Variants in NXPE1 observed in about 807,000 individuals in gnomAD.
NXPE1 encodes the protein neurexophilin and PC-esterase domain family member 1, also known as NXPE family member 1.
Under a neutral mutation model 33.3 loss-of-function variants are expected in NXPE1, and 31 were observed. The ratio of observed to expected loss-of-function variants is 0.93; its 90% confidence interval spans 0.70 to 1.26. NXPE1 has a LOEUF of 1.26. NXPE1 is among the 50% of genes most tolerant of loss of function. The pLI is 0.00. For synonymous variants in NXPE1, 229 were observed against 231.4 expected, an observed-to-expected ratio of 0.99 and a Z score of 0.09; for missense variants, 661 against 655.6, an observed-to-expected ratio of 1.01 and a Z score of -0.09.
rs1947770308 is a variant in NXPE1, at chr11:114,535,354, TA to T, written c.100-4447del. On this transcript the variant is annotated intron_variant, in intron 5 of 8. Coordinates refer to ENST00000534921, the Ensembl canonical transcript of NXPE1. ...GCCAAATTGTAAAGAATATCAAGGC[TA>T]GGAAGAAACTACATCAACTAACGAG... Among the ~76,000 whole-genome samples, 11 of 152,236 alleles carry T rather than the reference TA, an allele frequency of 7.2e-5. 1 individual carries two copies. In the South Asian group the frequency reaches 2.1e-3, roughly 29 times the overall value.
rs150754326 is a variant in NXPE1, at chr11:114,525,117, G to T, written c.896-2026C>A. Among the ~76,000 whole-genome samples, 442 of 151,916 alleles carry T rather than the reference G, an allele frequency of 2.9e-3. 11 individuals are homozygous for T. The highest frequency in any genetic ancestry group is 4.0e-4 in the Non-Finnish European group (27 of 67,978). On this transcript the variant is annotated intron_variant, in intron 7 of 8. Transcript: ENST00000534921. Reference sequence around the variant, plus strand: ...CTAGATCTGGGGGTAATGGTGTGGAGATCCACCATCTTGTCTCAACAATGG... The same window carrying T: ...CTAGATCTGGGGGTAATGGTGTGGATATCCACCATCTTGTCTCAACAATGG...
downstream of NXPE1, among the ~76,000 whole-genome samples, chr11:114,520,330 T>G (rs561767337): frequency 6.6e-6 from 1 of 152,340 alleles, no homozygotes; most frequent in East Asian, 1.9e-4. Context: ...AAGTTCCATA[T>G]ATAAGTGAGA....
At chr11:114,530,687 G>A in exon 6 of NXPE1, 4 of 1,614,178 alleles carry the variant, frequency 2.5e-6, no homozygotes, top group Non-Finnish European at 3.4e-6. Flanking sequence ...TATCTCGAGG[G>A]TTGAGGATGG....
At chr11:114,522,151 T>A in exon 9 of NXPE1, 1 of 1,614,094 alleles carries the variant, frequency 6.2e-7, no homozygotes, top group Non-Finnish European at 8.5e-7. Context: ...CAAACCTCTC[T>A]GTCTCTATGT....
intron 5 of NXPE1, among the ~76,000 whole-genome samples, chr11:114,540,944 ATC>A (rs1433099649): frequency 7.2e-6 from 1 of 138,308 alleles, no homozygotes; most frequent in Non-Finnish European, 1.5e-5. Flanking sequence ...GGAGGGGGAA[ATC>A]CCAGAACAGA....
At position 114,551,229 on chromosome 11, in the gene NXPE1, A is replaced by G. The variant is rs1383501090; in HGVS notation, c.-10-18T>C. On this transcript the variant is annotated intron_variant, in intron 4 of 8. Coordinates refer to ENST00000534921, the Ensembl canonical transcript of NXPE1. ...CGAATGTCCTAGGAGAGATGACACAAGAGAGGAGTCGTGAGAAGTGAATCT... is the reference window on the plus strand; with the variant it reads ...CGAATGTCCTAGGAGAGATGACACAGGAGAGGAGTCGTGAGAAGTGAATCT... 6.8e-7 allele frequency: 1 copy of G among 1,461,094 alleles called. No individual in the cohort carries two copies. The highest frequency in any genetic ancestry group is 1.2e-5 in the South Asian group (1 of 82,318). The allele number at this position is 1,461,094 out of a possible 1,614,324, so 90.5% of individuals were successfully genotyped here. A position where few individuals can be genotyped will look rare whatever the true frequency, so the allele number is the denominator to read the frequency against.
At chr11:114,551,303 C>A (rs75158214) in intron 4 of NXPE1, 80 bp downstream of exon 4, 1 of 1,358,790 alleles carries the variant, frequency 7.4e-7, no homozygotes, top group African/African-American at 1.5e-5. Flanking sequence ...TTGCCTCCAA[C>A]ATTTTGTTCT....
intron 7 of NXPE1, among the ~76,000 whole-genome samples, chr11:114,525,758 T>A (rs989835975): frequency 2.0e-5 from 3 of 152,214 alleles, no homozygotes; most frequent in Admixed American, 2.0e-4. Context: ...CCTGTAGGTT[T>A]TGCACCATTT....
At chr11:114,558,848 A>C (rs180806085) in intron 1 of NXPE1, among the ~76,000 whole-genome samples, 1 of 152,192 alleles carries the variant, frequency 6.6e-6, no homozygotes, top group African/African-American at 2.4e-5. Flanking sequence ...AGGACTTCTC[A>C]GTCAGGTCCA....
At chr11:114,551,778 G>C (rs1260387920) in intron 3 of NXPE1, among the ~76,000 whole-genome samples, 196 bp downstream of exon 3, 1 of 152,050 alleles carries the variant, frequency 6.6e-6, no homozygotes, top group Non-Finnish European at 1.5e-5. Context: ...ATCCAATAAG[G>C]CTGGGCACTG....
intron 5 of NXPE1, among the ~76,000 whole-genome samples, chr11:114,535,494 G>A (rs1947778852): frequency 6.6e-6 from 1 of 152,152 alleles, no homozygotes; most frequent in Admixed American, 6.5e-5. Context: ...TGGCAAATTG[G>A]ATAAAGAGTC....
chr11:114,522,621 C>A (rs776589686), intron 8 of NXPE1, 118 bp from the exon 9 acceptor site: 62 of 875,418 alleles, frequency 7.1e-5, no homozygotes, highest in Non-Finnish European at 9.5e-5. Context: ...TGGAGCCTTT[C>A]TACTCTCTAG....
chr11:114,519,266 C>T (rs115547394), downstream of NXPE1, among the ~76,000 whole-genome samples: 129 of 152,272 alleles, frequency 8.5e-4, no homozygotes, highest in African/African-American at 2.9e-3. Context: ...CCACTGAATT[C>T]GTATTAATAA....
intron 5 of NXPE1, among the ~76,000 whole-genome samples, chr11:114,535,820 C>G (rs956249283): frequency 6.6e-6 from 1 of 152,112 alleles, no homozygotes; most frequent in Non-Finnish European, 1.5e-5. Context: ...TAGACTCCGA[C>G]ACAATAATAA....
exon 6 of NXPE1, chr11:114,530,275 T>C: frequency 5.0e-6 from 8 of 1,614,234 alleles, no homozygotes; most frequent in Non-Finnish European, 5.9e-6. Flanking sequence ...TGAGGCTTCA[T>C]ACAATAGAAG....
chr11:114,530,707 T>C, exon 6 of NXPE1: 2 of 1,614,204 alleles, frequency 1.2e-6, no homozygotes, highest in Non-Finnish European at 1.7e-6. Context: ...GTGGCTGTGC[T>C]GTGTGTGGCA....
downstream of NXPE1, among the ~76,000 whole-genome samples, chr11:114,521,250 CAT>C (rs1032972445): frequency 2.0e-5 from 3 of 152,216 alleles, no homozygotes; most frequent in African/African-American, 4.8e-5. Flanking sequence ...ACTTACGACA[CAT>C]GAGAGATTTT....
intron 7 of NXPE1, among the ~76,000 whole-genome samples, chr11:114,525,156 G>A (rs942833198): frequency 6.6e-6 from 1 of 151,788 alleles, no homozygotes; most frequent in Non-Finnish European, 1.5e-5. Context: ...CATAAACATG[G>A]CTTCTGCTTG....
At chr11:114,551,510 A>G in intron 3 of NXPE1, 69 bp from the exon 4 acceptor site, 1 of 697,148 alleles carries the variant, frequency 1.4e-6, no homozygotes, top group Non-Finnish European at 1.8e-6. Flanking sequence ...GTTACAAGAC[A>G]TAACAATTAC....
Sources: allele counts gnomAD v4.1 joint callset (sites outside exome capture counted in the v4.1 genomes callset), GRCh38; gene constraint gnomAD v4.1.1; transcripts MANE v1.5; gene names NCBI Gene and HGNC (gene_info 2026-07-23, HGNC 2026-07-21).